ERC2: variants seen among roughly 807,000 people sequenced by gnomAD.
ERC2 encodes ERC protein 2.
In ERC2, 42 loss-of-function variants were observed where a neutral mutation model predicts 114.8. The observed-to-expected ratio is 0.37, with a 90% CI of 0.29 to 0.47. The LOEUF (loss-of-function observed/expected upper bound fraction) is 0.47. ERC2 is among the 20% of genes least tolerant of loss of function. ERC2 has a pLI of 0.99. For missense variants in ERC2, 939 were observed against 1,150.7 expected (o/e 0.82, Z 2.66); for synonymous variants, 454 against 425.5 (o/e 1.07, Z -0.82).
At chr3:56,278,382 T>C (rs115749519) in intron 3 of ERC2, among the ~76,000 whole-genome samples, 52 of 152,298 alleles carry the variant, frequency 3.4e-4, no homozygotes, top group East Asian at 1.4e-3. Flanking sequence ...AATTGATCAA[T>C]ACTCTTCAAG....
At chr3:55,993,997 G>C (rs537993860) in intron 10 of ERC2, among the ~76,000 whole-genome samples, 21 of 152,168 alleles carry the variant, frequency 1.4e-4, no homozygotes, top group African/African-American at 4.8e-4. Context: ...CCATATACCT[G>C]CTTCTATTTG....
chr3:55,606,259 G>A (rs1008513319), intron 17 of ERC2, among the ~76,000 whole-genome samples: 4 of 152,082 alleles, frequency 2.6e-5, no homozygotes, highest in East Asian at 1.9e-4. Flanking sequence ...GGAAGGAGCT[G>A]GTTAGGTATA....
At chr3:56,314,235 G>A (rs992889499) in intron 2 of ERC2, among the ~76,000 whole-genome samples, 7 of 152,162 alleles carry the variant, frequency 4.6e-5, no homozygotes, top group African/African-American at 1.2e-4. Flanking sequence ...ATAACCTTGC[G>A]GAGGTGGGGG....
At chr3:55,550,971 G>A (rs376403630) in intron 17 of ERC2, among the ~76,000 whole-genome samples, 6 of 148,828 alleles carry the variant, frequency 4.0e-5, no homozygotes, top group African/African-American at 1.0e-4. Flanking sequence ...AGCTGAGATC[G>A]CGCCACTGCA....
chr3:55,708,632 C>T (rs1245973628), intron 15 of ERC2, among the ~76,000 whole-genome samples: 2 of 152,160 alleles, frequency 1.3e-5, no homozygotes, highest in African/African-American at 4.8e-5. Flanking sequence ...ACTCCAGACT[C>T]TTCTACTACA....
At chr3:55,888,597 A>C in intron 13 of ERC2, 48 bp from the exon 14 acceptor site, 1 of 1,603,926 alleles carries the variant, frequency 6.2e-7, no homozygotes, top group Non-Finnish European at 8.5e-7. Context: ...TCATTCAAGC[A>C]CAAGACATCC....
intron 4 of ERC2, among the ~76,000 whole-genome samples, chr3:56,151,645 T>C (rs1317924176): frequency 6.6e-6 from 1 of 152,164 alleles, no homozygotes; most frequent in Non-Finnish European, 1.5e-5. Context: ...CCAAAGAATT[T>C]AGAGGGAAGG....
chr3:55,589,215 CAA>C (rs5849104), intron 17 of ERC2, among the ~76,000 whole-genome samples: 4 of 99,824 alleles, frequency 4.0e-5, no homozygotes, highest in African/African-American at 7.7e-5. Context: ...CAGTCACTAC[CAA>C]AAAAAAAAAA....
At chr3:56,078,255 T>C (rs1472508600) in intron 7 of ERC2, among the ~76,000 whole-genome samples, 1 of 152,242 alleles carries the variant, frequency 6.6e-6, no homozygotes, top group Non-Finnish European at 1.5e-5. Context: ...ATTAATAATA[T>C]GATTCATCAA....
At chr3:56,209,840 G>C (rs193009159) in intron 3 of ERC2, among the ~76,000 whole-genome samples, 3 of 152,268 alleles carry the variant, frequency 2.0e-5, no homozygotes, top group African/African-American at 7.2e-5. Context: ...AAATACAACT[G>C]AAAGTTTCAT....
At chr3:55,962,813 A>G (rs1559940490) in intron 12 of ERC2, among the ~76,000 whole-genome samples, 1 of 152,132 alleles carries the variant, frequency 6.6e-6, no homozygotes, top group Non-Finnish European at 1.5e-5. Flanking sequence ...ATGCCAACCA[A>G]CTGTGCAGAA....
chr3:56,370,207 A>C (rs2150584626), intron 2 of ERC2, among the ~76,000 whole-genome samples: 1 of 152,332 alleles, frequency 6.6e-6, no homozygotes, highest in Middle Eastern at 3.4e-3. Flanking sequence ...CAGTGTTCCC[A>C]ATGATGGAAA....
Position 55,689,574 on chromosome 3 carries a change from A to C in ERC2, c.2848-5715T>G, listed in dbSNP as rs141086302. Among the ~76,000 whole-genome samples, 347 of 152,304 alleles carry C rather than the reference A, an allele frequency of 2.3e-3. 2 individuals are homozygous for C. Among genetic ancestry groups the C allele is most frequent in the African/African-American group, 8.0e-3 (331 of 41,566 alleles). ...CATTAACACTTGGCTTTGTTAAACA[A>C]AGTGAAAATTGTGTTTTTAACATGA... On this transcript the variant is annotated intron_variant, in intron 16 of 17. Coordinates refer to ENST00000288221, the MANE Select transcript of ERC2 (RefSeq NM_015576.3).
At chr3:55,846,052 C>T (rs2149227481) in intron 14 of ERC2, among the ~76,000 whole-genome samples, 1 of 152,268 alleles carries the variant, frequency 6.6e-6, no homozygotes, top group African/African-American at 2.4e-5. Context: ...TATAGGTAAC[C>T]TCATGTCACA....
chr3:56,223,415 T>C (rs2050045126), intron 3 of ERC2, among the ~76,000 whole-genome samples: 1 of 150,462 alleles, frequency 6.6e-6, no homozygotes, highest in African/African-American at 2.5e-5. Context: ...GGCACATAAA[T>C]TGAAGGCAAC....
At chr3:56,084,639 T>G (rs2077407852) in intron 6 of ERC2, among the ~76,000 whole-genome samples, 1 of 152,088 alleles carries the variant, frequency 6.6e-6, no homozygotes, top group Admixed American at 6.6e-5. Context: ...CACTTCTAAG[T>G]GGGAACTAAG....
intron 2 of ERC2, among the ~76,000 whole-genome samples, chr3:56,413,292 C>T (rs2107137138): frequency 6.6e-6 from 1 of 152,368 alleles, no homozygotes; most frequent in African/African-American, 2.4e-5. Flanking sequence ...TCCAGCCTCT[C>T]AGGACAGGGC....
chr3:55,669,643 G>A (rs1308891028), intron 17 of ERC2, among the ~76,000 whole-genome samples: 1 of 152,188 alleles, frequency 6.6e-6, no homozygotes, highest in Non-Finnish European at 1.5e-5. Context: ...GCTATTAACT[G>A]GGCTAGTTTA....
At chr3:55,992,931 A>G (rs1234502213) in intron 10 of ERC2, among the ~76,000 whole-genome samples, 1 of 152,228 alleles carries the variant, frequency 6.6e-6, no homozygotes, top group Admixed American at 6.5e-5. Flanking sequence ...AGAATCTGCA[A>G]ACACATGCAT....
Sources: allele counts gnomAD v4.1 joint callset (sites outside exome capture counted in the v4.1 genomes callset), GRCh38; gene constraint gnomAD v4.1.1; transcripts MANE v1.5; gene names NCBI Gene and HGNC (gene_info 2026-07-23, HGNC 2026-07-21).